ZNF675: variants seen among roughly 807,000 people sequenced by gnomAD.
ZNF675 encodes TRAF6 inhibitory zinc finger.
In ZNF675, 36 loss-of-function variants were observed where a neutral mutation model predicts 56.1. The ratio of observed to expected loss-of-function variants is 0.64; its 90% CI spans 0.49 to 0.85. The LOEUF (loss-of-function observed/expected upper bound fraction) is 0.85, where lower values mean the gene tolerates loss of function less well. Among genes scored for constraint, ZNF675 ranks in the 40% least tolerant of loss-of-function variants. The pLI, the probability that ZNF675 is intolerant of heterozygous loss-of-function variation, is 0.00. For synonymous variants in ZNF675, 200 were observed against 218.9 expected (o/e 0.91, Z 0.76); for missense variants, 663 against 654.2 (o/e 1.01, Z -0.15).
chr19:23,661,236 T>TA (rs1968073068), intron 3 of ZNF675, among the ~76,000 whole-genome samples: 1 of 152,070 alleles, frequency 6.6e-6, no homozygotes, highest in Non-Finnish European at 1.5e-5. Flanking sequence ...TTCTAGTTTT[T>TA]ATCTGACCTC....
At chr19:23,664,343 G>C (rs938035684) in intron 1 of ZNF675, among the ~76,000 whole-genome samples, 10 of 152,268 alleles carry the variant, frequency 6.6e-5, no homozygotes, top group Non-Finnish European at 1.2e-4. Flanking sequence ...ACAGGCAGAA[G>C]GACCAAGACT....
Position 23,653,267 on chromosome 19 carries a change from T to C in ZNF675, c.1666A>G (p.Lys556Glu), listed in dbSNP as rs1349373361. The C allele has an allele frequency of 3.1e-6, 5 of 1,610,586 alleles. No homozygotes were observed. The highest frequency in any genetic ancestry group is 4.2e-6 in the Non-Finnish European group (5 of 1,178,608). The change falls in exon 4 of 4, where the codon AAA becomes GAA. Residue 556 changes from lysine to glutamate, a missense_variant. Lys to Glu is a moderately conservative substitution (Grantham distance 56, BLOSUM62 1). Transcript: ENST00000359788. ...NQSANLTKHKKIHTGEKLQNW... is the reference protein window; with the variant it reads ...NQSANLTKHKEIHTGEKLQNW... ...TGTAGTTTCTCTCCAGTATGTATTT[T>C]TTTATGTTTAGTAAGGTTTGCAGAT... is the stretch of plus-strand genomic sequence containing the variant.
intron 3 of ZNF675, chr19:23,657,177 TCTC>T (rs1263681119): frequency 9.2e-5 from 14 of 152,338 alleles, no homozygotes; most frequent in African/African-American, 3.4e-4. Flanking sequence ...CTCAAGCAAT[TCTC>T]CTGCCTTGGC....
At position 23,663,164 on chromosome 19, in the gene ZNF675, A is replaced by G; in HGVS notation, c.4-6T>C. On this transcript the variant is annotated splice_region_variant and splice_polypyrimidine_tract_variant and intron_variant, in intron 1 of 3. Coordinates refer to ENST00000359788, the MANE Select transcript of ZNF675 (RefSeq NM_138330.3). The stretch of plus-strand genomic sequence containing the variant: ...TCCCTAAATGTCAACAGTCCCTGAA[A>G]AACACATACACACAAACATATTCAC... The G allele has an allele frequency of 1.9e-6, 3 of 1,602,884 alleles. No homozygotes were observed. The highest frequency in any genetic ancestry group is 2.6e-6 in the Non-Finnish European group (3 of 1,175,026).
intron 3 of ZNF675, 41 bp from the exon 4 acceptor site, chr19:23,654,747 A>C: frequency 6.9e-7 from 1 of 1,443,320 alleles, no homozygotes; most frequent in Non-Finnish European, 9.2e-7. Context: ...ACAGACTCAG[A>C]TAAATATACT....
intron 1 of ZNF675, among the ~76,000 whole-genome samples, chr19:23,684,256 C>A (rs550964843): frequency 6.8e-6 from 1 of 147,640 alleles, no homozygotes; most frequent in South Asian, 2.1e-4. Context: ...ATCGAGACTC[C>A]GTCTCAAAAA....
Position 23,652,984 on chromosome 19 carries a change from C to A in ZNF675, c.*242G>T. 1 of 379,438 alleles carries A rather than the reference C, an allele frequency of 2.6e-6. No individual in the cohort carries two copies. Among genetic ancestry groups the A allele is most frequent in the Non-Finnish European group, 4.7e-6 (1 of 213,888 alleles). 23.5% of individuals were successfully genotyped at this position (379,438 alleles called of 1,614,324 possible). ...CAGATATTAATGGCTATTTTACACT[C>A]TTTATATTTGTACAATTTTTCTTAA... On this transcript the variant is annotated 3_prime_UTR_variant, in exon 4 of 4. Transcript: ENST00000359788.
intron 1 of ZNF675, among the ~76,000 whole-genome samples, chr19:23,673,019 G>A (rs1968246213): frequency 6.6e-6 from 1 of 152,150 alleles, no homozygotes; most frequent in South Asian, 2.1e-4. Context: ...AGCTACTGGT[G>A]GCAATAGCAA....
chr19:23,671,833 G>A (rs1170539429), intron 1 of ZNF675, among the ~76,000 whole-genome samples: 1 of 151,960 alleles, frequency 6.6e-6, no homozygotes, highest in East Asian at 1.9e-4. Context: ...CCTCTTCCTT[G>A]TTTTTCACCT....
chr19:23,675,857 A>G (rs1968287814), intron 1 of ZNF675, among the ~76,000 whole-genome samples: 2 of 151,620 alleles, frequency 1.3e-5, no homozygotes, highest in South Asian at 2.1e-4. Context: ...TCATATCTGA[A>G]CTGAAGAATA....
At chr19:23,677,304 T>TGTAAG (rs2144794126) in intron 1 of ZNF675, among the ~76,000 whole-genome samples, 1 of 151,794 alleles carries the variant, frequency 6.6e-6, no homozygotes, top group East Asian at 1.9e-4. Flanking sequence ...GCAGAAAAGT[T>TGTAAG]CTGTAAGCTG....
chr19:23,662,118 G>C lies in ZNF675; in HGVS notation c.222C>G (p.Pro74=). The C allele has an allele frequency of 6.2e-7, 1 of 1,611,788 alleles. No individual in the cohort carries two copies. The highest frequency in any genetic ancestry group is 1.7e-5 in the Admixed American group (1 of 59,956). Residue 74 remains proline, a synonymous_variant, in exon 3 of 4, where the codon CCC becomes CCG. Transcript: ENST00000359788. The stretch of plus-strand genomic sequence containing the variant: ...TTCACTTTCATTCTCACTTACCTGG[G>C]GGTTCATTCACCATCTCATGTCTCT... The part of the protein sequence containing the change: ...TVKRHEMVNE[P]PVMCSHFAQE...
rs773316351 is a variant in ZNF675 at position 23,653,404 on chromosome 19, C to T, written c.1529G>A (p.Cys510Tyr). 4 of 1,613,044 alleles carry T rather than the reference C, an allele frequency of 2.5e-6. No individual in the cohort carries two copies. In the East Asian group the frequency reaches 6.7e-5, roughly 27 times the overall value. Residue 510 changes from cysteine (C) to tyrosine (Y), a missense_variant, in exon 4 of 4, where the codon TGT becomes TAT. Physicochemically the swap from Cys to Tyr is radical, Grantham distance 194 (BLOSUM62 -2). Coordinates refer to ENST00000359788, the MANE Select transcript of ZNF675 (RefSeq NM_138330.3). ...GCTAAAAGCTTTGCCACATTCTTCA[C>T]ATTTGTAGGGTTTCTCCCCAGTATG... The part of the protein sequence containing the change: ...RIHTGEKPYK[C>Y]EECGKAFSRS...
intron 1 of ZNF675, among the ~76,000 whole-genome samples, chr19:23,676,653 C>T (rs538754181): frequency 5.9e-5 from 9 of 151,946 alleles, no homozygotes; most frequent in Admixed American, 5.9e-4. Context: ...TAAAATTTAA[C>T]ATCCTTCATG....
intron 3 of ZNF675, among the ~76,000 whole-genome samples, chr19:23,659,389 G>A (rs907683667): frequency 9.9e-5 from 15 of 152,106 alleles, no homozygotes; most frequent in African/African-American, 3.6e-4. Context: ...AAGACAATTT[G>A]TCAGCCATCC....
At position 23,653,576 on chromosome 19, in the gene ZNF675, T is replaced by G; in HGVS notation, c.1357A>C (p.Lys453Gln). 6.2e-7 allele frequency: 1 copy of G among 1,612,844 alleles called. No individual in the cohort carries two copies. Residue 453 changes from lysine (K) to glutamine (Q), a missense_variant, in exon 4 of 4, where the codon AAA (lysine) becomes CAA (glutamine). Physicochemically the swap from Lys to Gln is moderately conservative, Grantham distance 53 (BLOSUM62 1). Transcript: ENST00000359788. ...KKLHTGKKPY[K>Q]CEECGKAFIQ... ...AAAGCTTTGCCACATTCTTCACATT[T>G]GTAGGGTTTCTTTCCAGTATGAAGT...
chr19:23,663,896 T>C (rs990143586), intron 1 of ZNF675, among the ~76,000 whole-genome samples: 4 of 151,982 alleles, frequency 2.6e-5, no homozygotes, highest in African/African-American at 7.3e-5. Context: ...AATAGAAATG[T>C]TGAGTTATCT....
rs1484210318 is a variant in ZNF675, at chr19:23,682,075, C to T, written c.3+4956G>A. Among the ~76,000 whole-genome samples, 2 of 151,724 alleles carry T rather than the reference C, an allele frequency of 1.3e-5. 1 individual carries two copies. Among genetic ancestry groups the T allele is most frequent in the African/African-American group, 4.9e-5 (2 of 41,076 alleles). ...GACATAGACTCTGCATATTTTCTTC[C>T]TTTTCTTAAAAAAATCAGCTAAATT... On this transcript the variant is annotated intron_variant, in intron 1 of 3. Transcript: ENST00000359788.
intron 2 of ZNF675, 132 bp from the exon 3 acceptor site, chr19:23,662,341 A>C: frequency 1.8e-6 from 1 of 563,886 alleles, no homozygotes; most frequent in Non-Finnish European, 3.0e-6. Context: ...CTTATAACAG[A>C]AATTTTTAAA....
Sources: gnomAD v4.1 joint callset for allele counts (sites outside exome capture counted in the v4.1 genomes callset) on GRCh38, gnomAD v4.1.1 for gene constraint, MANE v1.5 for transcripts, NCBI Gene and HGNC (gene_info 2026-07-23, HGNC 2026-07-21) for gene names.